The following CEP164 variants were observed in gnomAD, a reference collection of about 807,000 sequenced individuals.
CEP164 encodes the protein centrosomal protein 164.
In CEP164, 162 loss-of-function variants were observed where a neutral mutation model predicts 182.7. The ratio of observed to expected loss-of-function variants is 0.89; its 90% CI spans 0.78 to 1.01. The LOEUF (loss-of-function observed/expected upper bound fraction) is 1.01. CEP164 is among the 50% of genes least tolerant of loss of function. CEP164 has a pLI of 0.00. For missense variants in CEP164, 1,735 were observed against 1,790.4 expected (o/e 0.97, Z 0.56); for synonymous variants, 661 against 690.0 (o/e 0.96, Z 0.66).
rs764542671 is a variant in CEP164, at chr11:117,362,474, C to T, written c.623C>T (p.Ala208Val). Residue 208 changes from alanine (A) to valine (V), a missense_variant, in exon 7 of 33, where the codon GCT becomes GTT. Coordinates refer to ENST00000278935, the MANE Select transcript of CEP164 (RefSeq NM_014956.5). ...GGCTCCATATATGAGGACAAGACTG[C>T]TCTCAGCCTCTTGGGTTTAGGAGAA... Reference protein sequence around the residue: ...LLGSIYEDKTALSLLGLGEET... With the variant: ...LLGSIYEDKTVLSLLGLGEET... The T allele has an allele frequency of 2.5e-6, 4 of 1,613,726 alleles. No homozygotes were observed. In the Admixed American group the frequency reaches 6.7e-5, roughly 27 times the overall value.
At chr11:117,357,140 C>T (rs1318263072) in intron 5 of CEP164, among the ~76,000 whole-genome samples, 1 of 152,042 alleles carries the variant, frequency 6.6e-6, no homozygotes, top group Non-Finnish European at 1.5e-5. Flanking sequence ...TTCTGTTGCC[C>T]AGGCTGGAGT....
intron 11 of CEP164, among the ~76,000 whole-genome samples, chr11:117,379,419 C>G (rs571741854): frequency 1.8e-4 from 27 of 152,210 alleles, no homozygotes; most frequent in Non-Finnish European, 7.3e-5. Context: ...CCCGCCCCAC[C>G]TCTCCTGTTG....
intron 24 of CEP164, 129 bp from the exon 25 acceptor site, chr11:117,395,925 C>G (rs2045375357): frequency 1.5e-6 from 2 of 1,345,242 alleles, no homozygotes; most frequent in African/African-American, 1.5e-5. Context: ...TGCTATTGTT[C>G]GTGCCTGAGC....
intron 4 of CEP164, among the ~76,000 whole-genome samples, chr11:117,344,535 A>G (rs1310166512): frequency 1.3e-5 from 2 of 152,186 alleles, no homozygotes; most frequent in African/African-American, 4.8e-5. Flanking sequence ...CTGGTTCTCT[A>G]GCACAAGCAT....
intron 1 of CEP164, among the ~76,000 whole-genome samples, chr11:117,335,186 C>T (rs1360885426): frequency 1.3e-5 from 2 of 152,194 alleles, no homozygotes; most frequent in East Asian, 3.8e-4. Context: ...CCTGCGTCGC[C>T]TCTGACTGTG....
chr11:117,355,237 TC>T, intron 5 of CEP164: 1 of 1,289,736 alleles, frequency 7.8e-7, no homozygotes, highest in Non-Finnish European at 1.0e-6. Context: ...AATTAGGTGA[TC>T]AGCAGGGTCT....
At chr11:117,335,149 T>G (rs150925344) in intron 1 of CEP164, among the ~76,000 whole-genome samples, 1 of 152,314 alleles carries the variant, frequency 6.6e-6, no homozygotes, top group East Asian at 1.9e-4. Context: ...CCTTTTCTGC[T>G]CAGCTTTTTA....
chr11:117,392,486 G>T lies in CEP164; in HGVS notation c.2362-10G>T, dbSNP rs1341030587. 6.2e-7 allele frequency: 1 copy of T among 1,611,664 alleles called. No individual in the cohort carries two copies. The highest frequency in any genetic ancestry group is 8.5e-7 in the Non-Finnish European group (1 of 1,178,984). Reference sequence around the variant, plus strand: ...GTCACACTCCCCTGTGTGTGCGGGGGCCTCCTCAGGTGGTCTCCAGCCTCC... The same window carrying T: ...GTCACACTCCCCTGTGTGTGCGGGGTCCTCCTCAGGTGGTCTCCAGCCTCC... On this transcript the variant is annotated splice_polypyrimidine_tract_variant and intron_variant, in intron 18 of 32. Coordinates refer to ENST00000278935, the MANE Select transcript of CEP164 (RefSeq NM_014956.5).
rs2041101974 is a variant in CEP164, at chr11:117,362,417, T to C, written c.566T>C (p.Leu189Pro). ...LGELMLPSQGLKTSAYTKGLL... is the reference protein window; with the variant it reads ...LGELMLPSQGPKTSAYTKGLL... ...TCTATTTTGAAGCCTTCACAGGGTCTCAAGACCTCTGCTTATACAAAGGGT... is the reference window on the plus strand; with the variant it reads ...TCTATTTTGAAGCCTTCACAGGGTCCCAAGACCTCTGCTTATACAAAGGGT... The change falls in exon 7 of 33, where the codon CTC (leucine) becomes CCC (proline). Residue 189 changes from leucine (L) to proline (P), a missense_variant. Leu to Pro is a moderately conservative substitution (Grantham distance 98). Transcript: ENST00000278935. 1.2e-6 allele frequency: 2 copies of C among 1,613,260 alleles called. No homozygotes were observed. Among genetic ancestry groups the C allele is most frequent in the African/African-American group, 2.7e-5 (2 of 74,894 alleles).
At chr11:117,324,070 T>C, upstream of CEP164, 1 of 233,500 alleles carries the variant, frequency 4.3e-6, no homozygotes, top group Non-Finnish European at 9.1e-6. Flanking sequence ...GACCCCTAAA[T>C]GTTCATCCTT....
At position 117,352,412 on chromosome 11, in the gene CEP164, T is replaced by A. The variant is rs552806372; in HGVS notation, c.393+424T>A. On this transcript the variant is annotated intron_variant, in intron 5 of 32. Coordinates refer to ENST00000278935, the MANE Select transcript of CEP164 (RefSeq NM_014956.5). ...GGCCTCCCTAGTGTGGGTTCCTTTT[T>A]TGTCTTAAAGTGGTGTGAATTCCTA... 2.6e-4 allele frequency among the ~76,000 whole-genome samples: 40 copies of A among 152,292 alleles called. No homozygotes were observed. The South Asian group carries it at 7.9e-3, about 30-fold the overall frequency.
Position 117,380,904 on chromosome 11 carries a change from G to A in CEP164, c.1409+199G>A, listed in dbSNP as rs555340716. ...GTGTGCACGTGTGTGTACTGGCAAT[G>A]TGTGTATATGTTTGCATGCATGAGC... On this transcript the variant is annotated intron_variant, in intron 12 of 32. Transcript: ENST00000278935. Among the ~76,000 whole-genome samples, 234 of 152,340 alleles carry A rather than the reference G, an allele frequency of 1.5e-3. 1 individual carries two copies. Among genetic ancestry groups the A allele is most frequent in the African/African-American group, 5.2e-3 (215 of 41,590 alleles).
intron 5 of CEP164, 88 bp from the exon 6 acceptor site, chr11:117,361,747 T>G: frequency 7.3e-7 from 1 of 1,378,694 alleles, no homozygotes; most frequent in Non-Finnish European, 1.0e-6. Flanking sequence ...GCGTGCAGGA[T>G]TTAGATGTTT....
At position 117,394,019 on chromosome 11, in the gene CEP164, A is replaced by T. The variant is rs1164181089; in HGVS notation, c.2617-331A>T. Among the ~76,000 whole-genome samples the T allele has an allele frequency of 6.6e-6, 1 of 152,262 alleles. No homozygotes were observed. The highest frequency in any genetic ancestry group is 1.5e-5 in the Non-Finnish European group (1 of 68,048). On this transcript the variant is annotated intron_variant, in intron 20 of 32. Coordinates refer to ENST00000278935, the MANE Select transcript of CEP164 (RefSeq NM_014956.5). The surrounding 1 kb of genome is among the most constrained non-coding windows in gnomAD (Gnocchi z 4.0). ...GCCATATCCCTTCCCCCAACCAATT[A>T]TGACCTTGCTGAAGAATAGTGATAA...
rs904348475 is a variant in CEP164, at chr11:117,343,958, G to A, written c.83-208G>A. ...TTTTGCTTTTTTAATGCTTGGCTTCGGATTATATCATTGTGTGGAGATAGC... is the reference window on the plus strand; with the variant it reads ...TTTTGCTTTTTTAATGCTTGGCTTCAGATTATATCATTGTGTGGAGATAGC... On this transcript the variant is annotated intron_variant, in intron 3 of 32. Coordinates refer to ENST00000278935, the MANE Select transcript of CEP164 (RefSeq NM_014956.5). Among the ~76,000 whole-genome samples, 55 of 151,912 alleles carry A rather than the reference G, an allele frequency of 3.6e-4. 1 individual carries two copies. The highest frequency in any genetic ancestry group is 1.3e-3 in the African/African-American group (54 of 41,344).
rs1197334697 is a variant in CEP164, at chr11:117,395,676, GTGGA to G, written c.3045_3048del (p.Asp1016CysfsTer27). The G allele has an allele frequency of 6.2e-7, 1 of 1,613,262 alleles. No individual in the cohort carries two copies. The highest frequency in any genetic ancestry group is 2.2e-5 in the East Asian group (1 of 44,866). On this transcript the variant is annotated frameshift_variant, in exon 24 of 33. Transcript: ENST00000278935. LOFTEE classifies it high-confidence loss of function. ...CCGCAAGCTGAAGCTGGAGTCCCAAGTGGATCTGCTGCAGGCTCAGAGCCAGCAA... is the reference window on the plus strand; with the variant it reads ...CCGCAAGCTGAAGCTGGAGTCCCAAGTCTGCTGCAGGCTCAGAGCCAGCAA...
intron 5 of CEP164, among the ~76,000 whole-genome samples, chr11:117,357,956 A>T (rs191615052): frequency 1.8e-4 from 28 of 152,270 alleles, no homozygotes; most frequent in Non-Finnish European, 3.5e-4. Flanking sequence ...AAGAGTCACT[A>T]TATTCTTCAT....
At chr11:117,341,329 G>A (rs1429329591) in intron 3 of CEP164, among the ~76,000 whole-genome samples, 1 of 152,096 alleles carries the variant, frequency 6.6e-6, no homozygotes, top group African/African-American at 2.4e-5. Context: ...ATCATGTCAG[G>A]GCTGTGCTTT....
At chr11:117,363,281 T>G in intron 7 of CEP164, 148 bp from the exon 8 acceptor site, 4 of 588,906 alleles carry the variant, frequency 6.8e-6, no homozygotes, top group Middle Eastern at 4.5e-4. Context: ...TGAGGCTGCC[T>G]CAGTGGTGGT....
Sources: gnomAD v4.1 joint callset for allele counts (sites outside exome capture counted in the v4.1 genomes callset) on GRCh38, gnomAD v4.1.1 for gene constraint, Gnocchi (gnomAD v3.1) non-coding constraint, MANE v1.5 for transcripts, NCBI Gene and HGNC (gene_info 2026-07-23, HGNC 2026-07-21) for gene names.